Variants in TMX3 observed in about 807,000 individuals in gnomAD.
TMX3 encodes thioredoxin related transmembrane protein 3, also known as protein disulfide-isomerase TMX3.
In TMX3, 40 loss-of-function variants were observed where a neutral mutation model predicts 64.4. The observed-to-expected ratio is 0.62, with a 90% CI of 0.48 to 0.81. The LOEUF (loss-of-function observed/expected upper bound fraction) is 0.81, where lower values mean the gene tolerates loss of function less well. Among genes scored for constraint, TMX3 ranks in the 30% least tolerant of loss-of-function variants. TMX3 has a pLI of 0.00. For missense variants in TMX3, 497 were observed against 534.5 expected, an observed-to-expected ratio of 0.93 and a Z score of 0.69; for synonymous variants, 189 against 175.7, an observed-to-expected ratio of 1.08 and a Z score of -0.60.
At chr18:68,677,553 A>C (rs1226488024) in intron 15 of TMX3, among the ~76,000 whole-genome samples, 5 of 152,102 alleles carry the variant, frequency 3.3e-5, no homozygotes, top group African/African-American at 1.2e-4. Flanking sequence ...AACCACAGGA[A>C]TCTGCTTATG....
At chr18:68,706,616 G>T (rs1187977148) in intron 4 of TMX3, among the ~76,000 whole-genome samples, 1 of 152,058 alleles carries the variant, frequency 6.6e-6, no homozygotes, top group Non-Finnish European at 1.5e-5. Flanking sequence ...CAGTGATACC[G>T]CAACTGTCTG....
At chr18:68,688,043 G>T in intron 9 of TMX3, 1 of 211,482 alleles carries the variant, frequency 4.7e-6, no homozygotes, top group Non-Finnish European at 9.2e-6. Flanking sequence ...AATAAATTTT[G>T]GTATATGTCG....
At chr18:68,707,509 A>G in intron 4 of TMX3, among the ~76,000 whole-genome samples, 1 of 152,228 alleles carries the variant, frequency 6.6e-6, no homozygotes, top group East Asian at 1.9e-4. Flanking sequence ...ATTAGATACA[A>G]TATAGAATGT....
At chr18:68,702,134 G>A (rs1245776733) in intron 4 of TMX3, among the ~76,000 whole-genome samples, 1 of 120,002 alleles carries the variant, frequency 8.3e-6, no homozygotes, top group African/African-American at 3.3e-5. Flanking sequence ...TTGACTTCAT[G>A]TCCAAGACAA....
At chr18:68,700,140 T>C (rs1237798698) in intron 6 of TMX3, among the ~76,000 whole-genome samples, 4 of 152,058 alleles carry the variant, frequency 2.6e-5, no homozygotes, top group African/African-American at 9.7e-5. Flanking sequence ...GGAAAATGTA[T>C]TAAAAAATCT....
rs1275616642 is a variant in TMX3, at chr18:68,675,060, T to G, written c.*1873A>C. ...TAATTATAAATATGAAAAAATTCAG[T>G]GACATTTTCTATAACTATTTCCCCA... On this transcript the variant is annotated 3_prime_UTR_variant, in exon 16 of 16. Transcript: ENST00000299608. The G allele has an allele frequency of 6.6e-6, 1 of 152,130 alleles. No homozygotes were observed. The highest frequency in any genetic ancestry group is 1.9e-4 in the East Asian group (1 of 5,192). 9.4% of individuals were successfully genotyped at this position (152,130 alleles called of 1,614,324 possible).
chr18:68,681,267 G>A (rs532889740), intron 13 of TMX3, 157 bp from the exon 14 acceptor site: 71 of 667,954 alleles, frequency 1.1e-4, no homozygotes, highest in Non-Finnish European at 1.4e-4. Flanking sequence ...TAGTATTTAC[G>A]TGTATTTTAT....
chr18:68,701,693 A>C lies in TMX3; in HGVS notation c.311+52T>G, dbSNP rs549263993. ...CTAGAAATTAACGTAATAAAATGTA[A>C]GTAGAGTGAACTAATAAAAATACAC... On this transcript the variant is annotated intron_variant, in intron 5 of 15. Coordinates refer to ENST00000299608, the MANE Select transcript of TMX3 (RefSeq NM_019022.5). 144 of 1,608,840 alleles carry C rather than the reference A, an allele frequency of 9.0e-5. 2 individuals carry two copies. The South Asian group carries it at 1.5e-3, about 17-fold the overall frequency.
At chr18:68,713,979 T>C in intron 1 of TMX3, 79 bp from the exon 2 acceptor site, 3 of 1,027,402 alleles carry the variant, frequency 2.9e-6, no homozygotes, top group East Asian at 2.6e-5. Context: ...ATCTCTGAAG[T>C]GTTTTTGACC....
At chr18:68,696,666 AG>A (rs1296075316) in intron 8 of TMX3, among the ~76,000 whole-genome samples, 3 of 151,472 alleles carry the variant, frequency 2.0e-5, no homozygotes, top group African/African-American at 4.9e-5. Context: ...TAGTAGAGAT[AG>A]GATTTCACCA....
chr18:68,711,960 C>A (rs1030567330), intron 2 of TMX3, among the ~76,000 whole-genome samples: 1 of 152,192 alleles, frequency 6.6e-6, no homozygotes, highest in Non-Finnish European at 1.5e-5. Flanking sequence ...GCTGGTCAGG[C>A]CCAACCTTTA....
chr18:68,684,802 C>A (rs12373415), intron 10 of TMX3, among the ~76,000 whole-genome samples: 7,517 of 152,186 alleles, frequency 0.049, 247 homozygotes, highest in Non-Finnish European at 0.073. Flanking sequence ...TTTTTCCTTA[C>A]ACCCTACAAA....
rs2031251974 is a variant in TMX3, at chr18:68,711,347, A to G, written c.141+17T>C. 2 of 1,571,580 alleles carry G rather than the reference A, an allele frequency of 1.3e-6. No individual in the cohort carries two copies. The highest frequency in any genetic ancestry group is 1.7e-6 in the Non-Finnish European group (2 of 1,153,590). ...TGGTAGGGGTGGGTAATTAGCATATAAAATTTACATACTTACATCTACAAG... is the reference window on the plus strand; with the variant it reads ...TGGTAGGGGTGGGTAATTAGCATATGAAATTTACATACTTACATCTACAAG... On this transcript the variant is annotated intron_variant, in intron 3 of 15. Transcript: ENST00000299608.
chr18:68,712,499 G>A (rs2031387217), intron 2 of TMX3, among the ~76,000 whole-genome samples: 1 of 152,212 alleles, frequency 6.6e-6, no homozygotes, highest in Admixed American at 6.5e-5. Flanking sequence ...GCTTGCTCTG[G>A]AGCAAGGAAC....
Position 68,710,153 on chromosome 18 carries a change from A to G in TMX3, c.142-9T>C, listed in dbSNP as rs1321906543. ...CACCATGGCGCATAAAACTTGTTTT[A>G]AAAAAACAAACAACAAACAAAAAAA... On this transcript the variant is annotated splice_polypyrimidine_tract_variant and intron_variant, in intron 3 of 15. Transcript: ENST00000299608. 6.6e-7 allele frequency: 1 copy of G among 1,522,492 alleles called. No individual in the cohort carries two copies. The highest frequency in any genetic ancestry group is 2.3e-5 in the Admixed American group (1 of 43,194). 94.3% of individuals were successfully genotyped at this position (1,522,492 alleles called of 1,614,324 possible).
chr18:68,701,112 A>C, intron 5 of TMX3: 1 of 760,580 alleles, frequency 1.3e-6, no homozygotes, highest in Non-Finnish European at 1.6e-6. Context: ...AAAAAGTAAG[A>C]GGCTAAGCAA....
intron 4 of TMX3, among the ~76,000 whole-genome samples, chr18:68,707,399 G>A (rs2145128003): frequency 6.6e-6 from 1 of 152,216 alleles, no homozygotes; most frequent in South Asian, 2.1e-4. Context: ...TCTTCTCTAA[G>A]TGTCTCAGGA....
intron 5 of TMX3, chr18:68,700,963 G>A: frequency 3.0e-6 from 3 of 984,232 alleles, no homozygotes; most frequent in Non-Finnish European, 3.6e-6. Flanking sequence ...TTCTAGAAAC[G>A]TACATAATTC....
At chr18:68,691,242 AC>A in intron 9 of TMX3, 52 bp downstream of exon 9, 1 of 1,278,054 alleles carries the variant, frequency 7.8e-7, no homozygotes, top group Non-Finnish European at 1.1e-6. Flanking sequence ...AAGTTGTATA[AC>A]AGACATTTTA....
Sources: gnomAD v4.1 joint callset for allele counts (sites outside exome capture counted in the v4.1 genomes callset) on GRCh38, gnomAD v4.1.1 for gene constraint, MANE v1.5 for transcripts, NCBI Gene and HGNC (gene_info 2026-07-23, HGNC 2026-07-21) for gene names.